LIN7A: variants seen among roughly 807,000 people sequenced by gnomAD.
The protein encoded by LIN7A is protein lin-7 homolog A.
Under a neutral mutation model 29.8 loss-of-function variants are expected in LIN7A, and 25 were observed. The observed-to-expected ratio is 0.84, with a 90% confidence interval of 0.61 to 1.17. The LOEUF (loss-of-function observed/expected upper bound fraction) is 1.17, where lower values mean the gene tolerates loss of function less well. Ranked by LOEUF, LIN7A falls within the 50% of genes most tolerant of loss-of-function variation. The probability of loss-of-function intolerance (pLI) is 0.00; values close to 1 mark genes in which losing one functional copy is unlikely to be tolerated. For synonymous variants in LIN7A, 118 were observed against 107.5 expected (o/e 1.10, Z -0.60); for missense variants, 239 against 287.0 (o/e 0.83, Z 1.21).
chr12:80,848,604 G>C (rs1173820680), intron 2 of LIN7A, among the ~76,000 whole-genome samples: 1 of 151,638 alleles, frequency 6.6e-6, no homozygotes, highest in African/African-American at 2.4e-5. Context: ...TGTATCTATG[G>C]TAAAATAAAT....
At chr12:80,807,082 T>TTTTTG (rs1555221395) in intron 5 of LIN7A, among the ~76,000 whole-genome samples, 15 of 134,578 alleles carry the variant, frequency 1.1e-4, no homozygotes, top group Admixed American at 1.5e-4. Flanking sequence ...TTTTTTTTTT[T>TTTTTG]TTTTTTTTTG....
chr12:80,925,466 T>G (rs1220716658), intron 1 of LIN7A, among the ~76,000 whole-genome samples: 1 of 152,322 alleles, frequency 6.6e-6, no homozygotes, highest in South Asian at 2.1e-4. Flanking sequence ...TGGAAGCACA[T>G]GATATCCAGG....
In LIN7A at chr12:80,874,631, T is replaced by C. The variant is rs541724151; in HGVS notation, c.201+14620A>G. On this transcript the variant is annotated intron_variant, in intron 2 of 5. Transcript: ENST00000552864. ...AAATGGAACATATATGAATAGGTAT[T>C]GTGGAGATGGGAATCATGGTGCAAT... 2.0e-5 allele frequency among the ~76,000 whole-genome samples: 3 copies of C among 152,272 alleles called. No homozygotes were observed. The South Asian group carries it at 6.2e-4, about 32-fold the overall frequency.
At position 80,803,819 on chromosome 12, in the gene LIN7A, G is replaced by C. The variant is rs79671245; in HGVS notation, c.*1-6093C>G. On this transcript the variant is annotated intron_variant, in intron 5 of 5. Transcript: ENST00000552864. ...TTGAGGATGAAGTAATTTGAAGTATGGGGTACTATTTTAAAGGTAATCGAT... is the reference window on the plus strand; with the variant it reads ...TTGAGGATGAAGTAATTTGAAGTATCGGGTACTATTTTAAAGGTAATCGAT... Among the ~76,000 whole-genome samples, 6 of 152,238 alleles carry C rather than the reference G, an allele frequency of 3.9e-5. No individual in the cohort carries two copies. In the East Asian group the frequency reaches 1.2e-3, roughly 29 times the overall value.
At chr12:80,826,380 T>C (rs1449221257) in intron 4 of LIN7A, among the ~76,000 whole-genome samples, 1 of 152,152 alleles carries the variant, frequency 6.6e-6, no homozygotes, top group Non-Finnish European at 1.5e-5. Context: ...TCAATCTACA[T>C]CCAATTAACC....
chr12:80,937,261 C>T (rs1362364145), intron 1 of LIN7A: 1 of 201,814 alleles, frequency 5.0e-6, no homozygotes, highest in Admixed American at 6.0e-5. Flanking sequence ...CCTCTGGGCT[C>T]TGGCCGGGCG....
intron 2 of LIN7A, among the ~76,000 whole-genome samples, chr12:80,852,243 T>C (rs1430032400): frequency 6.6e-6 from 1 of 152,292 alleles, no homozygotes; most frequent in East Asian, 1.9e-4. Context: ...CAAGTATAAA[T>C]GAAGTACAAG....
At chr12:80,898,106 G>T (rs1920987) in intron 1 of LIN7A, among the ~76,000 whole-genome samples, 103,375 of 151,966 alleles carry the variant, frequency 0.68, 39,115 homozygotes, top group Non-Finnish European at 0.87. Flanking sequence ...AAATTTTAGG[G>T]TTTATATCTA....
At chr12:80,887,712 T>C (rs1875405766) in intron 2 of LIN7A, among the ~76,000 whole-genome samples, 1 of 152,142 alleles carries the variant, frequency 6.6e-6, no homozygotes, top group African/African-American at 2.4e-5. Flanking sequence ...TGTATATTTA[T>C]TTATCATAGT....
chr12:80,923,573 A>T (rs564773979), intron 1 of LIN7A, among the ~76,000 whole-genome samples: 99 of 152,296 alleles, frequency 6.5e-4, no homozygotes, highest in Non-Finnish European at 1.1e-3. Flanking sequence ...CTTTACCAAC[A>T]TTGCTATGTA....
intron 1 of LIN7A, chr12:80,935,898 A>G: frequency 2.6e-6 from 1 of 382,900 alleles, no homozygotes; most frequent in Non-Finnish European, 6.0e-6. Context: ...GAGGCATCTA[A>G]GGGCTAAGGT....
intron 1 of LIN7A, among the ~76,000 whole-genome samples, chr12:80,919,910 A>G (rs780989628): frequency 6.6e-6 from 1 of 152,086 alleles, no homozygotes; most frequent in Non-Finnish European, 1.5e-5. Flanking sequence ...CTCATTCACT[A>G]TCAAGTCACA....
intron 2 of LIN7A, among the ~76,000 whole-genome samples, chr12:80,856,917 T>C (rs1048410244): frequency 1.3e-5 from 2 of 152,208 alleles, no homozygotes; most frequent in African/African-American, 4.8e-5. Flanking sequence ...ACTTTGGGAT[T>C]AAAAACTTCC....
chr12:80,903,630 G>C (rs931276393), intron 1 of LIN7A, among the ~76,000 whole-genome samples: 3 of 151,824 alleles, frequency 2.0e-5, no homozygotes, highest in Admixed American at 6.6e-5. Flanking sequence ...CTTTGCTATT[G>C]TGTGATAAAC....
chr12:80,889,619 T>G (rs1017593218), intron 1 of LIN7A, among the ~76,000 whole-genome samples: 4 of 152,202 alleles, frequency 2.6e-5, no homozygotes, highest in Non-Finnish European at 4.4e-5. Flanking sequence ...CAAATGAATT[T>G]GAATATTATG....
At chr12:80,852,118 T>C (rs1873364013) in intron 2 of LIN7A, among the ~76,000 whole-genome samples, 2 of 152,168 alleles carry the variant, frequency 1.3e-5, no homozygotes, top group Admixed American at 6.6e-5. Context: ...AAATTTTCAC[T>C]ATAGAAGGGC....
chr12:80,842,672 C>G (rs377176384), intron 4 of LIN7A, among the ~76,000 whole-genome samples: 92 of 151,686 alleles, frequency 6.1e-4, no homozygotes, highest in African/African-American at 2.2e-3. Context: ...GAATTATTTA[C>G]ACTGATAAAA....
intron 2 of LIN7A, among the ~76,000 whole-genome samples, chr12:80,851,825 A>G (rs879384344): frequency 1.3e-5 from 2 of 152,146 alleles, no homozygotes; most frequent in African/African-American, 2.4e-5. Context: ...AATTCATAGA[A>G]ACTCATAGGG....
At chr12:80,911,208 A>C (rs914090321) in intron 1 of LIN7A, among the ~76,000 whole-genome samples, 1 of 151,924 alleles carries the variant, frequency 6.6e-6, no homozygotes, top group African/African-American at 2.4e-5. Flanking sequence ...ATACATGAAA[A>C]TGTGTCAGAA....
Sources: allele counts gnomAD v4.1 joint callset (sites outside exome capture counted in the v4.1 genomes callset), GRCh38; gene constraint gnomAD v4.1.1; transcripts MANE v1.5; gene names NCBI Gene and HGNC (gene_info 2026-07-23, HGNC 2026-07-21).